ZNF180: variants seen among roughly 807,000 people sequenced by gnomAD.
ZNF180 encodes zinc finger protein 180.
A neutral mutation model predicts 11.8 loss-of-function variants in ZNF180; 11 were observed. That is an observed-to-expected ratio of 0.93 (90% CI 0.59 to 1.55). ZNF180 has a LOEUF of 1.55. Ranked by LOEUF, ZNF180 falls within the 40% of genes most tolerant of loss-of-function variation. The pLI is 0.00. For synonymous variants in ZNF180, 287 were observed against 257.7 expected, an observed-to-expected ratio of 1.11 and a Z score of -1.09; for missense variants, 773 against 781.7, an observed-to-expected ratio of 0.99 and a Z score of 0.13.
chr19:44,483,944 T>G (rs557269137), intron 3 of ZNF180, among the ~76,000 whole-genome samples: 2 of 151,856 alleles, frequency 1.3e-5, no homozygotes, highest in East Asian at 3.9e-4. Context: ...ATAACCAAAC[T>G]TCTTGAAAAA....
chr19:44,484,615 G>T (rs1200072768), intron 2 of ZNF180, 180 bp from the exon 3 acceptor site: 1 of 608,872 alleles, frequency 1.6e-6, no homozygotes, highest in East Asian at 2.8e-5. Flanking sequence ...AGAGAGAGAG[G>T]AGATACATGG....
intron 2 of ZNF180, among the ~76,000 whole-genome samples, chr19:44,492,361 G>A (rs1473736795): frequency 7.2e-6 from 1 of 138,046 alleles, no homozygotes; most frequent in Non-Finnish European, 1.5e-5. Context: ...CTTTCTGTAT[G>A]CTCTGGAGCA....
At chr19:44,483,599 C>CCA (rs1970138687) in intron 3 of ZNF180, among the ~76,000 whole-genome samples, 1 of 152,248 alleles carries the variant, frequency 6.6e-6, no homozygotes, top group Non-Finnish European at 1.5e-5. Context: ...CCTTGTCATA[C>CCA]ATCTCTCCAT....
chr19:44,487,694 A>G (rs1200184839), intron 2 of ZNF180, among the ~76,000 whole-genome samples: 1 of 152,132 alleles, frequency 6.6e-6, no homozygotes, highest in African/African-American at 2.4e-5. Context: ...TGGAGTAGCC[A>G]TTCCTTATTC....
chr19:44,488,859 G>C (rs1330579678), intron 2 of ZNF180, among the ~76,000 whole-genome samples: 1 of 150,696 alleles, frequency 6.6e-6, no homozygotes, highest in Non-Finnish European at 1.5e-5. Context: ...GGGAGGTGAG[G>C]AGCATCTCTG....
At position 44,500,276 on chromosome 19, in the gene ZNF180, T is replaced by A; in HGVS notation, c.-45A>T. The stretch of plus-strand genomic sequence containing the variant: ...GCGCTGCCCCACGCCCCTACCAACC[T>A]GGGCGTCCGCTGGCCCGCAGCCCAG... On this transcript the variant is annotated splice_region_variant and 5_prime_UTR_variant, in exon 1 of 5. Coordinates refer to ENST00000592529, the MANE Select transcript of ZNF180 (RefSeq NM_001278509.3). 4 of 1,612,486 alleles carry A rather than the reference T, an allele frequency of 2.5e-6. No homozygotes were observed. Among genetic ancestry groups the A allele is most frequent in the Non-Finnish European group, 3.4e-6 (4 of 1,179,642 alleles).
At chr19:44,480,820 G>C (rs73038409) in intron 3 of ZNF180, among the ~76,000 whole-genome samples, 3,310 of 152,252 alleles carry the variant, frequency 0.022, 54 homozygotes, top group African/African-American at 0.046. Flanking sequence ...GTGGCATTAT[G>C]CTGGGGCTCC....
chr19:44,481,729 T>G (rs1020870513), intron 3 of ZNF180, among the ~76,000 whole-genome samples: 1 of 152,220 alleles, frequency 6.6e-6, no homozygotes, highest in Admixed American at 6.5e-5. Context: ...TAGTAGATAT[T>G]ACATTTATAT....
Position 44,500,459 on chromosome 19 carries a change from G to A in ZNF180, c.-228C>T. 1 of 587,798 alleles carries A rather than the reference G, an allele frequency of 1.7e-6. No individual in the cohort carries two copies. The highest frequency in any genetic ancestry group is 2.1e-5 in the South Asian group (1 of 47,322). 36.4% of individuals were successfully genotyped at this position (587,798 alleles called of 1,614,324 possible). ...CATCCGCAAGGCCGCTGGGGGTTAA[G>A]TCTGAAGGGCCGAGCTGCTCGGCGA... On this transcript the variant is annotated 5_prime_UTR_variant, in exon 1 of 5. Coordinates refer to ENST00000592529, the MANE Select transcript of ZNF180 (RefSeq NM_001278509.3).
At chr19:44,490,175 G>GAT (rs1555736711) in intron 2 of ZNF180, among the ~76,000 whole-genome samples, 85,675 of 139,018 alleles carry the variant, frequency 0.62, 28,256 homozygotes, top group East Asian at 0.88. Context: ...AGGGAGGGAG[G>GAT]GAGGGAGGGA....
At chr19:44,480,101 C>T (rs769287974) in intron 3 of ZNF180, among the ~76,000 whole-genome samples, 2 of 152,088 alleles carry the variant, frequency 1.3e-5, no homozygotes, top group Non-Finnish European at 2.9e-5. Flanking sequence ...TCTAATCTGA[C>T]AATCTGTCCT....
chr19:44,486,817 G>C (rs1711556764), intron 2 of ZNF180, among the ~76,000 whole-genome samples: 1 of 152,138 alleles, frequency 6.6e-6, no homozygotes, highest in Non-Finnish European at 1.5e-5. Flanking sequence ...GAGGTGGGCA[G>C]ATTGCCTGAA....
chr19:44,479,397 A>G lies in ZNF180; in HGVS notation c.139T>C (p.Phe47Leu). ...GTGAAGTCCACAGTCACAATTTTGA[A>G]GTTCACTCCTTCCTAAAAAAGGACA... ...LTIPSQEGVN[F>L]KIVTVDFTRE... The change falls in exon 4 of 5, where the codon TTC (phenylalanine) becomes CTC (leucine). Residue 47 changes from phenylalanine to leucine, a missense_variant. Physicochemically the swap from Phe to Leu is conservative, Grantham distance 22. Transcript: ENST00000592529. The G allele has an allele frequency of 6.2e-7, 1 of 1,613,812 alleles. No individual in the cohort carries two copies. The highest frequency in any genetic ancestry group is 2.2e-5 in the East Asian group (1 of 44,854).
chr19:44,476,289 G>T lies in ZNF180; in HGVS notation c.*113C>A. 1 of 1,058,814 alleles carries T rather than the reference G, an allele frequency of 9.4e-7. No homozygotes were observed. The highest frequency in any genetic ancestry group is 1.3e-6 in the Non-Finnish European group (1 of 767,426). 65.6% of individuals were successfully genotyped at this position (1,058,814 alleles called of 1,614,324 possible). ...ACACACAATTAACAGAGGGCTGGAA[G>T]TTTTCCCACATATATTGTTTTTATA... On this transcript the variant is annotated 3_prime_UTR_variant, in exon 5 of 5. Coordinates refer to ENST00000592529, the MANE Select transcript of ZNF180 (RefSeq NM_001278509.3).
At position 44,474,812 on chromosome 19, in the gene ZNF180, T is replaced by C. The variant is rs944352940; in HGVS notation, c.*1590A>G. ...CAGACTCATTGAGGGTTCTTCAAAGTGTGGGTCAGTGGTCCCCAAGGGATG... is the reference window on the plus strand; with the variant it reads ...CAGACTCATTGAGGGTTCTTCAAAGCGTGGGTCAGTGGTCCCCAAGGGATG... On this transcript the variant is annotated 3_prime_UTR_variant, in exon 5 of 5. Coordinates refer to ENST00000592529, the MANE Select transcript of ZNF180 (RefSeq NM_001278509.3). 6.6e-6 allele frequency: 1 copy of C among 152,218 alleles called. No individual in the cohort carries two copies. The highest frequency in any genetic ancestry group is 2.4e-5 in the African/African-American group (1 of 41,438). The allele number at this position is 152,218 out of a possible 1,614,324, so 9.4% of individuals were successfully genotyped here. A position where few individuals can be genotyped will look rare whatever the true frequency, so the allele number is the denominator to read the frequency against.
chr19:44,490,345 A>G (rs1370472923), intron 2 of ZNF180, among the ~76,000 whole-genome samples: 2 of 152,222 alleles, frequency 1.3e-5, no homozygotes, highest in Non-Finnish European at 2.9e-5. Flanking sequence ...CTGCATGAAC[A>G]TTACAAAATA....
intron 1 of ZNF180, among the ~76,000 whole-genome samples, chr19:44,497,687 T>G (rs547107698): frequency 6.6e-6 from 1 of 151,910 alleles, no homozygotes; most frequent in Non-Finnish European, 1.5e-5. Flanking sequence ...GCAGCACCAG[T>G]CCATCCCTCT....
At position 44,476,644 on chromosome 19, in the gene ZNF180, A is replaced by C. The variant is rs762091137; in HGVS notation, c.1756T>G (p.Ser586Ala). The change falls in exon 5 of 5, where the codon TCC becomes GCC. Residue 586 changes from serine (S) to alanine (A), a missense_variant. Ser to Ala is a moderately conservative substitution (Grantham distance 99). Transcript: ENST00000592529. ...GTAAGGCATGAACTCTGTCTGAAGG[A>C]CTTCCCACATTGACTGCATTCATAG... ...KPYECSQCGK[S>A]FRQSSCLTQH... is the part of the protein sequence containing the mutation. The C allele has an allele frequency of 6.2e-7, 1 of 1,614,120 alleles. No individual in the cohort carries two copies. The highest frequency in any genetic ancestry group is 8.5e-7 in the Non-Finnish European group (1 of 1,179,986).
chr19:44,486,780 C>T (rs1303732259), intron 2 of ZNF180, among the ~76,000 whole-genome samples: 1 of 152,116 alleles, frequency 6.6e-6, no homozygotes, highest in African/African-American at 2.4e-5. Flanking sequence ...GTGGCTCACA[C>T]CTGTAATTCT....
Sources: gnomAD v4.1 joint callset for allele counts (sites outside exome capture counted in the v4.1 genomes callset) on GRCh38, gnomAD v4.1.1 for gene constraint, MANE v1.5 for transcripts, NCBI Gene and HGNC (gene_info 2026-07-23, HGNC 2026-07-21) for gene names.